Variants in TNFAIP8 observed in about 807,000 individuals in gnomAD.
The protein encoded by TNFAIP8 is TNF alpha induced protein 8.
In TNFAIP8, 7 loss-of-function variants were observed where a neutral mutation model predicts 13.3. That is an observed-to-expected ratio of 0.52 (90% CI 0.30 to 0.99). The LOEUF (loss-of-function observed/expected upper bound fraction) is 0.99, where lower values mean the gene tolerates loss of function less well. Among genes scored for constraint, TNFAIP8 ranks in the 50% least tolerant of loss-of-function variants. The pLI, the probability that TNFAIP8 is intolerant of heterozygous loss-of-function variation, is 0.07. For missense variants in TNFAIP8, 258 were observed against 236.9 expected (o/e 1.09, Z -0.58); for synonymous variants, 94 against 87.6 (o/e 1.07, Z -0.41).
chr5:119,383,609 T>C (rs1463477374), intron 1 of TNFAIP8, among the ~76,000 whole-genome samples: 1 of 152,338 alleles, frequency 6.6e-6, no homozygotes, highest in South Asian at 2.1e-4. Flanking sequence ...TTCTTAAGAA[T>C]TGCAAGCCTC....
At chr5:119,332,673 A>G (rs1299735617) in intron 1 of TNFAIP8, among the ~76,000 whole-genome samples, 1 of 152,230 alleles carries the variant, frequency 6.6e-6, no homozygotes, top group Non-Finnish European at 1.5e-5. Flanking sequence ...ATACATACCT[A>G]ATAGGGATCA....
At chr5:119,385,936 T>C (rs1317446608) in intron 1 of TNFAIP8, among the ~76,000 whole-genome samples, 1 of 152,226 alleles carries the variant, frequency 6.6e-6, no homozygotes, top group Non-Finnish European at 1.5e-5. Flanking sequence ...CTCCAAAAAG[T>C]GGGGATCATT....
At chr5:119,345,848 A>G (rs1562010093) in intron 1 of TNFAIP8, among the ~76,000 whole-genome samples, 1 of 152,240 alleles carries the variant, frequency 6.6e-6, no homozygotes, top group African/African-American at 2.4e-5. Context: ...TAAAATTATT[A>G]AGATGGTAAA....
chr5:119,334,912 T>G (rs562123835), intron 1 of TNFAIP8, among the ~76,000 whole-genome samples: 2 of 152,222 alleles, frequency 1.3e-5, no homozygotes, highest in East Asian at 1.9e-4. Context: ...TAGCGTACTT[T>G]GGCAGAAAGA....
At position 119,393,506 on chromosome 5, in the gene TNFAIP8, G is replaced by A; in HGVS notation, c.*125G>A. 1 of 960,312 alleles carries A rather than the reference G, an allele frequency of 1.0e-6. No homozygotes were observed. Among genetic ancestry groups the A allele is most frequent in the Non-Finnish European group, 1.5e-6 (1 of 658,842 alleles). The allele number at this position is 960,312 out of a possible 1,614,324, so 59.5% of individuals were successfully genotyped here. On this transcript the variant is annotated 3_prime_UTR_variant, in exon 2 of 2. Coordinates refer to ENST00000504771, the MANE Select transcript of TNFAIP8 (RefSeq NM_014350.4). ...TTTCAGAAAGACTTTACCCAATTCA[G>A]TTGTCAGACATAATGATTTATTTGA... is the stretch of plus-strand genomic sequence containing the variant.
intron 1 of TNFAIP8, among the ~76,000 whole-genome samples, chr5:119,331,809 CT>C (rs1454051343): frequency 6.6e-6 from 1 of 152,182 alleles, no homozygotes; most frequent in African/African-American, 2.4e-5. Context: ...GCAGCCACCA[CT>C]GAGGTCACAT....
At chr5:119,391,343 A>G (rs1253809679) in intron 1 of TNFAIP8, 1 of 701,604 alleles carries the variant, frequency 1.4e-6, no homozygotes, top group Admixed American at 2.0e-5. Flanking sequence ...TCATTACCAA[A>G]TGACTGCTTT....
chr5:119,294,040 T>C (rs1749080922), intron 1 of TNFAIP8, among the ~76,000 whole-genome samples: 1 of 152,112 alleles, frequency 6.6e-6, no homozygotes, highest in Non-Finnish European at 1.5e-5. Context: ...CCTTCTTTTT[T>C]TTCTTTTTTT....
At chr5:119,312,845 T>C (rs1226484277) in intron 1 of TNFAIP8, among the ~76,000 whole-genome samples, 1 of 151,544 alleles carries the variant, frequency 6.6e-6, no homozygotes, top group East Asian at 1.9e-4. Context: ...AGGTTAGCTC[T>C]CAGATCATGC....
intron 1 of TNFAIP8, among the ~76,000 whole-genome samples, chr5:119,293,962 T>C (rs1183380390): frequency 6.6e-6 from 1 of 152,210 alleles, no homozygotes; most frequent in Non-Finnish European, 1.5e-5. Context: ...TGGGACATAA[T>C]TTTACCTTCA....
chr5:119,322,304 A>G (rs766086799), intron 1 of TNFAIP8, among the ~76,000 whole-genome samples: 3 of 152,200 alleles, frequency 2.0e-5, no homozygotes, highest in East Asian at 1.9e-4. Flanking sequence ...TAAATGACCT[A>G]TACATACTTG....
chr5:119,278,549 G>A (rs1414772943), intron 1 of TNFAIP8, among the ~76,000 whole-genome samples: 1 of 152,058 alleles, frequency 6.6e-6, no homozygotes, highest in Non-Finnish European at 1.5e-5. Context: ...CAGCCTTAAG[G>A]GAAGCTGTGA....
chr5:119,295,877 A>G (rs1375354091), intron 1 of TNFAIP8, among the ~76,000 whole-genome samples: 2 of 151,502 alleles, frequency 1.3e-5, no homozygotes, highest in Non-Finnish European at 3.0e-5. Context: ...TAGGTATTTT[A>G]TTCTCTTTGA....
At chr5:119,331,319 AGCCTAT>A (rs1387004094) in intron 1 of TNFAIP8, among the ~76,000 whole-genome samples, 1 of 151,200 alleles carries the variant, frequency 6.6e-6, no homozygotes, top group Non-Finnish European at 1.5e-5. Context: ...CCTGCTCTCT[AGCCTAT>A]GTCTGTGATG....
intron 1 of TNFAIP8, among the ~76,000 whole-genome samples, chr5:119,392,415 G>T (rs1411856726): frequency 6.6e-6 from 1 of 151,706 alleles, no homozygotes; most frequent in Non-Finnish European, 1.5e-5. Flanking sequence ...TTTTGAGACA[G>T]AGTCTCGCTG....
At chr5:119,278,438 G>A (rs1748527825) in intron 1 of TNFAIP8, among the ~76,000 whole-genome samples, 1 of 147,670 alleles carries the variant, frequency 6.8e-6, no homozygotes, top group Admixed American at 6.8e-5. Flanking sequence ...GGACACAGAG[G>A]GCAGCAATAA....
chr5:119,343,766 T>C (rs1750812366), intron 1 of TNFAIP8, among the ~76,000 whole-genome samples: 1 of 152,172 alleles, frequency 6.6e-6, no homozygotes, highest in African/African-American at 2.4e-5. Context: ...TTCAGTAGGC[T>C]TTTAAGAGGA....
intron 1 of TNFAIP8, among the ~76,000 whole-genome samples, chr5:119,325,963 T>G (rs1484530309): frequency 6.6e-6 from 1 of 152,232 alleles, no homozygotes; most frequent in African/African-American, 2.4e-5. Context: ...CTCCTGTTTA[T>G]TTTTGCCCTA....
At chr5:119,286,810 C>T (rs938301411) in intron 1 of TNFAIP8, among the ~76,000 whole-genome samples, 9 of 152,232 alleles carry the variant, frequency 5.9e-5, no homozygotes, top group South Asian at 2.1e-4. Context: ...TTCCTCTAGC[C>T]TCAGTCTTCC....
Sources: gnomAD v4.1 joint callset for allele counts (sites outside exome capture counted in the v4.1 genomes callset) on GRCh38, gnomAD v4.1.1 for gene constraint, MANE v1.5 for transcripts, NCBI Gene and HGNC (gene_info 2026-07-23, HGNC 2026-07-21) for gene names.